Variants in LRMDA observed in about 807,000 individuals in gnomAD.
LRMDA encodes the protein leucine rich melanocyte differentiation associated.
Under a neutral mutation model 29.8 loss-of-function variants are expected in LRMDA, and 18 were observed. The ratio of observed to expected loss-of-function variants is 0.60; its 90% CI spans 0.42 to 0.90. LRMDA has a LOEUF of 0.90. Ranked by LOEUF, LRMDA falls within the 40% of genes least tolerant of loss-of-function variation. The pLI is 0.00. For synonymous variants in LRMDA, 125 were observed against 109.4 expected, an observed-to-expected ratio of 1.14 and a Z score of -0.89; for missense variants, 273 against 273.9, an observed-to-expected ratio of 1.00 and a Z score of 0.02.
chr10:75,808,285 G>A (rs767586906), intron 2 of LRMDA, among the ~76,000 whole-genome samples: 3 of 152,150 alleles, frequency 2.0e-5, no homozygotes, highest in African/African-American at 4.8e-5. Flanking sequence ...GACAAGGGGA[G>A]CATCAAAAGT....
chr10:76,501,354 T>C (rs1842907459), intron 6 of LRMDA, among the ~76,000 whole-genome samples: 1 of 151,996 alleles, frequency 6.6e-6, no homozygotes, highest in African/African-American at 2.4e-5. Flanking sequence ...TGTGTCTTTT[T>C]GGTAGAACAA....
chr10:75,951,507 C>T (rs1336362051), intron 2 of LRMDA, among the ~76,000 whole-genome samples: 1 of 152,184 alleles, frequency 6.6e-6, no homozygotes, highest in Non-Finnish European at 1.5e-5. Context: ...TCAGGGCAAC[C>T]TCTAGCAATG....
At chr10:75,592,120 A>G (rs1186842743) in intron 2 of LRMDA, among the ~76,000 whole-genome samples, 1 of 152,014 alleles carries the variant, frequency 6.6e-6, no homozygotes, top group Non-Finnish European at 1.5e-5. Flanking sequence ...TGAGGCCCTG[A>G]TGTGGCAAAG....
chr10:76,365,377 T>C, intron 6 of LRMDA, among the ~76,000 whole-genome samples: 1 of 152,042 alleles, frequency 6.6e-6, no homozygotes, highest in Non-Finnish European at 1.5e-5. Context: ...AGTGTAGAAG[T>C]GTTCCCTGTT....
intron 5 of LRMDA, among the ~76,000 whole-genome samples, chr10:76,159,136 A>G (rs1221444435): frequency 6.6e-6 from 1 of 152,188 alleles, no homozygotes; most frequent in African/African-American, 2.4e-5. Context: ...TTTAATTTGG[A>G]AAAATATACC....
chr10:76,434,919 C>T (rs936371643), intron 6 of LRMDA, among the ~76,000 whole-genome samples: 2 of 152,080 alleles, frequency 1.3e-5, no homozygotes, highest in African/African-American at 4.8e-5. Context: ...TCATTAATGC[C>T]AGTAGCCAGG....
At chr10:76,001,373 C>G (rs1847559946) in intron 2 of LRMDA, among the ~76,000 whole-genome samples, 1 of 152,180 alleles carries the variant, frequency 6.6e-6, no homozygotes, top group African/African-American at 2.4e-5. Context: ...GAAGCCCCAT[C>G]ACACAGCGTA....
chr10:76,360,785 GC>G (rs1275276536), intron 6 of LRMDA, among the ~76,000 whole-genome samples: 6 of 152,134 alleles, frequency 3.9e-5, no homozygotes, highest in African/African-American at 1.4e-4. Context: ...TCCCTCACCT[GC>G]TACAGTTGAA....
intron 6 of LRMDA, among the ~76,000 whole-genome samples, chr10:76,549,287 A>G (rs1843465774): frequency 6.6e-6 from 1 of 151,806 alleles, no homozygotes; most frequent in African/African-American, 2.4e-5. Flanking sequence ...CTTCACGACA[A>G]ATTTTGCCAG....
chr10:75,618,378 CTCTCTA>C (rs144589930), intron 2 of LRMDA, among the ~76,000 whole-genome samples: 5,660 of 62,266 alleles, frequency 0.091, 124 homozygotes, highest in East Asian at 0.21. Context: ...CTCTCTCTCT[CTCTCTA>C]TATATATATA....
intron 5 of LRMDA, among the ~76,000 whole-genome samples, chr10:76,060,777 T>C (rs1848690713): frequency 6.6e-6 from 1 of 152,236 alleles, no homozygotes; most frequent in South Asian, 2.1e-4. Context: ...AAATCCAGCA[T>C]TAGTTGTTTC....
chr10:75,754,467 C>G (rs576147716), intron 2 of LRMDA, among the ~76,000 whole-genome samples: 2 of 152,210 alleles, frequency 1.3e-5, no homozygotes, highest in African/African-American at 4.8e-5. Context: ...AGTTGCATTA[C>G]AATAAATTCA....
chr10:76,425,967 T>C (rs1019888962), intron 6 of LRMDA, among the ~76,000 whole-genome samples: 4 of 152,208 alleles, frequency 2.6e-5, no homozygotes, highest in Non-Finnish European at 4.4e-5. Flanking sequence ...TTCCATGGTG[T>C]ATATGTGCCA....
intron 5 of LRMDA, among the ~76,000 whole-genome samples, chr10:76,167,661 T>C (rs1850765377): frequency 6.6e-6 from 1 of 152,202 alleles, no homozygotes; most frequent in South Asian, 2.1e-4. Flanking sequence ...TGTAGCCCTG[T>C]AGTATAGTTT....
chr10:75,789,030 G>A (rs934802371), intron 2 of LRMDA, among the ~76,000 whole-genome samples: 3 of 152,212 alleles, frequency 2.0e-5, no homozygotes, highest in African/African-American at 7.2e-5. Flanking sequence ...TCTTTATAAA[G>A]AACACTCACC....
At chr10:75,537,594 G>A (rs189340130) in intron 2 of LRMDA, among the ~76,000 whole-genome samples, 2 of 152,214 alleles carry the variant, frequency 1.3e-5, no homozygotes, top group African/African-American at 4.8e-5. Context: ...AGCCAGGCCC[G>A]TAAGGATGGA....
At chr10:75,987,682 C>T (rs1376646245) in intron 2 of LRMDA, among the ~76,000 whole-genome samples, 1 of 152,132 alleles carries the variant, frequency 6.6e-6, no homozygotes, top group Non-Finnish European at 1.5e-5. Flanking sequence ...TCTGTGTGGG[C>T]AAATCAGTGA....
At chr10:75,467,786 C>T (rs934580554) in intron 2 of LRMDA, among the ~76,000 whole-genome samples, 1 of 152,092 alleles carries the variant, frequency 6.6e-6, no homozygotes, top group South Asian at 2.1e-4. Context: ...CATGGTGAAA[C>T]CCCATCTCTA....
At chr10:76,422,393 T>C (rs79588174) in intron 6 of LRMDA, among the ~76,000 whole-genome samples, 2,678 of 152,146 alleles carry the variant, frequency 0.018, 84 homozygotes, top group African/African-American at 0.06. Flanking sequence ...AGTGGGAGCA[T>C]TGGTCTTCAG....
Sources: allele counts gnomAD v4.1 joint callset (sites outside exome capture counted in the v4.1 genomes callset), GRCh38; gene constraint gnomAD v4.1.1; transcripts MANE v1.5; gene names NCBI Gene and HGNC (gene_info 2026-07-23, HGNC 2026-07-21).